KLHL2: variants seen among roughly 807,000 people sequenced by gnomAD.
KLHL2 encodes kelch-like protein 2.
A neutral mutation model predicts 75.8 loss-of-function variants in KLHL2; 15 were observed. The ratio of observed to expected loss-of-function variants is 0.20; its 90% confidence interval spans 0.13 to 0.30. The LOEUF (loss-of-function observed/expected upper bound fraction) is 0.30. Ranked by LOEUF, KLHL2 falls within the 10% of genes least tolerant of loss-of-function variation. The probability of loss-of-function intolerance (pLI) is 1.00; values close to 1 mark genes in which losing one functional copy is unlikely to be tolerated. For synonymous variants in KLHL2, 214 were observed against 251.9 expected (o/e 0.85, Z 1.42); for missense variants, 381 against 741.0 (o/e 0.51, Z 5.64).
At chr4:165,243,382 T>C (rs1739978994) in intron 4 of KLHL2, among the ~76,000 whole-genome samples, 1 of 152,234 alleles carries the variant, frequency 6.6e-6, no homozygotes, top group Non-Finnish European at 1.5e-5. Context: ...ATGCTTTCTA[T>C]TCCTAAATTA....
chr4:165,256,870 AG>A (rs1378556959), intron 4 of KLHL2, among the ~76,000 whole-genome samples: 2 of 152,212 alleles, frequency 1.3e-5, no homozygotes, highest in Non-Finnish European at 2.9e-5. Context: ...TACCCAAAAA[AG>A]GGGTCATACT....
chr4:165,309,611 G>A (rs1442998801), intron 9 of KLHL2, among the ~76,000 whole-genome samples: 2 of 152,152 alleles, frequency 1.3e-5, no homozygotes, highest in African/African-American at 4.8e-5. Flanking sequence ...AATGAGTGTG[G>A]CAGTGTTCCA....
chr4:165,323,155 C>G (rs1410949141), downstream of KLHL2: 1 of 152,700 alleles, frequency 6.5e-6, no homozygotes. Context: ...TTATTTGTTT[C>G]ACAGTGTTCT....
chr4:165,229,994 A>G (rs1291671802), intron 3 of KLHL2, among the ~76,000 whole-genome samples: 1 of 152,258 alleles, frequency 6.6e-6, no homozygotes, highest in Middle Eastern at 3.2e-3. Flanking sequence ...TCAGGAATGA[A>G]GAAGGATAGC....
intron 4 of KLHL2, among the ~76,000 whole-genome samples, chr4:165,248,938 A>G (rs1424590845): frequency 6.6e-6 from 1 of 152,214 alleles, no homozygotes; most frequent in Admixed American, 6.5e-5. Context: ...TTATTTGTGT[A>G]TATATTTTAT....
At chr4:165,256,448 C>T (rs1166940817) in intron 4 of KLHL2, among the ~76,000 whole-genome samples, 3 of 152,154 alleles carry the variant, frequency 2.0e-5, no homozygotes, top group Non-Finnish European at 2.9e-5. Context: ...GGAAGAGTAA[C>T]GTGTAGAGCC....
intron 8 of KLHL2, among the ~76,000 whole-genome samples, chr4:165,300,623 T>C (rs1384105580): frequency 6.6e-6 from 1 of 152,240 alleles, no homozygotes; most frequent in Non-Finnish European, 1.5e-5. Context: ...CCCTCATTTC[T>C]GTCTCTGTTG....
Position 165,323,059 on chromosome 4 carries a change from G to A in KLHL2, c.*999G>A, listed in dbSNP as rs1385257407. ...TAGCCATGTGTGTTGATCAGATACA[G>A]TTTTTCTGAGATCTTCAATTAATCT... On this transcript the variant is annotated 3_prime_UTR_variant, in exon 15 of 15. Transcript: ENST00000226725. 1 of 152,552 alleles carries A rather than the reference G, an allele frequency of 6.6e-6. No homozygotes were observed. 9.4% of individuals were successfully genotyped at this position (152,552 alleles called of 1,614,324 possible). A position where few individuals can be genotyped will look rare whatever the true frequency, so the allele number is the denominator to read the frequency against.
Position 165,207,768 on chromosome 4 carries a change from G to T in KLHL2, c.-109G>T. The T allele has an allele frequency of 1.0e-6, 1 of 993,534 alleles. No homozygotes were observed. The highest frequency in any genetic ancestry group is 2.8e-5 in the Admixed American group (1 of 35,432). The allele number at this position is 993,534 out of a possible 1,614,324, so 61.5% of individuals were successfully genotyped here. On this transcript the variant is annotated 5_prime_UTR_variant, in exon 1 of 15. Transcript: ENST00000226725. This position sits in a 1 kb window ranked among gnomAD's most constrained non-coding sequence, Gnocchi z 4.2. ...GTGAGGAGAGCGCGGCGCCCCCTCC[G>T]GGGCGGATGGAACGCGGCTCGGCGG...
At chr4:165,276,853 C>T (rs1273040292) in intron 5 of KLHL2, among the ~76,000 whole-genome samples, 1 of 152,044 alleles carries the variant, frequency 6.6e-6, no homozygotes, top group Non-Finnish European at 1.5e-5. Flanking sequence ...CAAAATATGT[C>T]TAAAATTAAT....
Position 165,281,306 on chromosome 4 carries a change from TC to T in KLHL2, c.545-13052del, listed in dbSNP as rs1277431544. 2.8e-3 allele frequency among the ~76,000 whole-genome samples: 386 copies of T among 140,304 alleles called. 4 individuals carry two copies. Among genetic ancestry groups the T allele is most frequent in the African/African-American group, 1.0e-2 (324 of 32,556 alleles). 92.0% of individuals were successfully genotyped at this position (140,304 alleles called of 152,430 possible). Reference sequence around the variant, plus strand: ...GTCCTAACCTGATGCTCTCTCTCTCTCTCTTTTTTTTTTTTTCATTTTTTAT... The same window carrying T: ...GTCCTAACCTGATGCTCTCTCTCTCTTCTTTTTTTTTTTTTCATTTTTTAT... On this transcript the variant is annotated intron_variant, in intron 5 of 14. Transcript: ENST00000226725.
chr4:165,238,456 G>A (rs188066295), intron 3 of KLHL2, among the ~76,000 whole-genome samples: 50 of 152,286 alleles, frequency 3.3e-4, no homozygotes, highest in Non-Finnish European at 7.1e-4. Context: ...AATCCATAAA[G>A]ACAACAAGTG....
At position 165,322,210 on chromosome 4, in the gene KLHL2, T is replaced by A. The variant is rs1747038612; in HGVS notation, c.*150T>A. 1 of 699,202 alleles carries A rather than the reference T, an allele frequency of 1.4e-6. No homozygotes were observed. Among genetic ancestry groups the A allele is most frequent in the African/African-American group, 1.8e-5 (1 of 56,020 alleles). 43.3% of individuals were successfully genotyped at this position (699,202 alleles called of 1,614,324 possible). On this transcript the variant is annotated 3_prime_UTR_variant, in exon 15 of 15. Coordinates refer to ENST00000226725, the MANE Select transcript of KLHL2 (RefSeq NM_007246.4). ...ATCGTCTGCCTTTATAGGCCTCAGA[T>A]ACTGAAGATTATTTTTGGTAGAAGC... is the stretch of plus-strand genomic sequence containing the variant.
At chr4:165,252,087 TTTATC>T (rs1345438591) in intron 4 of KLHL2, among the ~76,000 whole-genome samples, 2 of 152,328 alleles carry the variant, frequency 1.3e-5, no homozygotes, top group East Asian at 3.9e-4. Flanking sequence ...ATAAAAGGCA[TTTATC>T]TTGATGAACA....
intron 5 of KLHL2, chr4:165,278,561 G>A (rs1743366780): frequency 3.7e-6 from 6 of 1,610,878 alleles, no homozygotes; most frequent in Non-Finnish European, 5.1e-6. Context: ...CGAAAATGCT[G>A]GGACGAAGTA....
Position 165,207,932 on chromosome 4 carries a change from C to T in KLHL2, c.26+30C>T. The T allele has an allele frequency of 7.2e-7, 1 of 1,390,216 alleles. No individual in the cohort carries two copies. Among genetic ancestry groups the T allele is most frequent in the South Asian group, 1.5e-5 (1 of 68,348 alleles). 86.1% of individuals were successfully genotyped at this position (1,390,216 alleles called of 1,614,324 possible). The stretch of plus-strand genomic sequence containing the variant: ...GTGAGCGGGCGGGCGGGCTGCGCCG[C>T]TGCGGATAAGCGCGCCGCTGCGGCG... On this transcript the variant is annotated intron_variant, in intron 1 of 14. Transcript: ENST00000226725. The surrounding 1 kb of genome is among the most constrained non-coding windows in gnomAD (Gnocchi z 4.2).
chr4:165,315,404 T>TAAA (rs924574744), intron 13 of KLHL2, among the ~76,000 whole-genome samples: 5 of 152,188 alleles, frequency 3.3e-5, no homozygotes, highest in African/African-American at 9.6e-5. Flanking sequence ...GAAAAAGACG[T>TAAA]AAGTCTCTGT....
At chr4:165,310,098 G>A (rs939994283) in intron 9 of KLHL2, among the ~76,000 whole-genome samples, 1 of 152,168 alleles carries the variant, frequency 6.6e-6, no homozygotes, top group African/African-American at 2.4e-5. Context: ...AGCAGTTTGG[G>A]AGGCCAAGGC....
At chr4:165,271,047 A>G (rs55951309) in intron 5 of KLHL2, among the ~76,000 whole-genome samples, 11,401 of 152,188 alleles carry the variant, frequency 0.075, 899 homozygotes, top group African/African-American at 0.2. Context: ...TGGTTATGAT[A>G]CCCTTATATT....
Sources: gnomAD v4.1 joint callset for allele counts (sites outside exome capture counted in the v4.1 genomes callset) on GRCh38, gnomAD v4.1.1 for gene constraint, Gnocchi (gnomAD v3.1) non-coding constraint, MANE v1.5 for transcripts, NCBI Gene and HGNC (gene_info 2026-07-23, HGNC 2026-07-21) for gene names.